PTPN5: variants seen among roughly 807,000 people sequenced by gnomAD.
PTPN5 encodes protein tyrosine phosphatase non-receptor type 5.
Under a neutral mutation model 73.9 loss-of-function variants are expected in PTPN5, and 29 were observed. The ratio of observed to expected loss-of-function variants is 0.39; its 90% confidence interval spans 0.29 to 0.54. The LOEUF (loss-of-function observed/expected upper bound fraction) is 0.54, where lower values mean the gene tolerates loss of function less well. PTPN5 is among the 20% of genes least tolerant of loss of function. The pLI is 0.65. For missense variants in PTPN5, 652 were observed against 751.4 expected (o/e 0.87, Z 1.55); for synonymous variants, 267 against 304.7 (o/e 0.88, Z 1.29).
chr11:18,761,765 A>G (rs192183440), intron 3 of PTPN5, among the ~76,000 whole-genome samples: 15 of 152,222 alleles, frequency 9.9e-5, no homozygotes, highest in Non-Finnish European at 1.6e-4. Flanking sequence ...AAAGACACCT[A>G]AGGAGGGAAT....
chr11:18,773,034 G>A (rs1321386328), intron 1 of PTPN5, among the ~76,000 whole-genome samples: 1 of 151,966 alleles, frequency 6.6e-6, no homozygotes, highest in Non-Finnish European at 1.5e-5. Flanking sequence ...CCAGGTAGAA[G>A]GAGGGCATGT....
intron 3 of PTPN5, among the ~76,000 whole-genome samples, chr11:18,757,167 T>C (rs1850194248): frequency 6.6e-6 from 1 of 152,178 alleles, no homozygotes. Context: ...TGAATAAGAC[T>C]TTATGGTTTA....
intron 1 of PTPN5, among the ~76,000 whole-genome samples, chr11:18,779,421 G>A (rs1346742522): frequency 1.3e-5 from 2 of 152,008 alleles, no homozygotes; most frequent in East Asian, 3.9e-4. Flanking sequence ...AGTCAAGGTT[G>A]AAAGGAGCCT....
intron 3 of PTPN5, among the ~76,000 whole-genome samples, chr11:18,746,195 A>ATAT (rs377606416): frequency 5.3e-5 from 6 of 114,024 alleles, no homozygotes; most frequent in Admixed American, 9.0e-5. Context: ...ATATATATAC[A>ATAT]TTTTTTTTTT....
chr11:18,761,186 C>T (rs1480950892), intron 3 of PTPN5, among the ~76,000 whole-genome samples: 3 of 152,228 alleles, frequency 2.0e-5, no homozygotes, highest in Non-Finnish European at 2.9e-5. Context: ...CACGAGTCTG[C>T]ATGATGATGC....
chr11:18,752,633 T>C (rs1040126499), intron 3 of PTPN5, among the ~76,000 whole-genome samples: 5 of 152,234 alleles, frequency 3.3e-5, no homozygotes, highest in African/African-American at 1.2e-4. Flanking sequence ...AATGGTTCTA[T>C]CTGAAATTGC....
intron 1 of PTPN5, among the ~76,000 whole-genome samples, chr11:18,777,134 C>T (rs550841046): frequency 6.6e-6 from 1 of 152,220 alleles, no homozygotes; most frequent in African/African-American, 2.4e-5. Flanking sequence ...GCACTCCAGC[C>T]TGGGCGACAG....
chr11:18,747,016 T>C (rs536383667), intron 3 of PTPN5, among the ~76,000 whole-genome samples: 2 of 152,288 alleles, frequency 1.3e-5, no homozygotes, highest in African/African-American at 4.8e-5. Flanking sequence ...TCCCTTCTTC[T>C]CCCTGGGTCT....
Position 18,742,393 on chromosome 11 carries a change from C to T in PTPN5, c.594G>A (p.Glu198=), listed in dbSNP as rs369120299. 7 of 1,614,070 alleles carry T rather than the reference C, an allele frequency of 4.3e-6. No individual in the cohort carries two copies. The African/African-American group carries it at 9.3e-5, about 22-fold the overall frequency. ...CCAGGAAGTCATCCTCGATCTTCTC[C>T]TCCATCCACTCTGAGTAGGTGAAGG... ...QPSFTYSEWM[E]EKIEDDFLDL... is the part of the protein sequence containing the mutation. Residue 198 remains glutamate, a synonymous_variant, in exon 7 of 15, where the codon GAG becomes GAA. Coordinates refer to ENST00000358540, the MANE Select transcript of PTPN5 (RefSeq NM_006906.2). The surrounding 1 kb of genome is among the most constrained non-coding windows in gnomAD (Gnocchi z 4.1).
intron 1 of PTPN5, among the ~76,000 whole-genome samples, chr11:18,781,520 A>G (rs912056882): frequency 1.3e-5 from 2 of 151,948 alleles, no homozygotes; most frequent in Non-Finnish European, 2.9e-5. Flanking sequence ...GGGTTTCACC[A>G]TATTGGCTAG....
chr11:18,791,989 C>G (rs531698532), upstream of PTPN5: 2 of 152,384 alleles, frequency 1.3e-5, no homozygotes, highest in East Asian at 3.9e-4. Flanking sequence ...TCAGGTGCCT[C>G]CCTCTCCCGA....
chr11:18,788,311 T>A (rs1851761063), intron 1 of PTPN5, among the ~76,000 whole-genome samples: 1 of 152,182 alleles, frequency 6.6e-6, no homozygotes, highest in African/African-American at 2.4e-5. Flanking sequence ...GTGAGTTTCA[T>A]CATGTTACGG....
intron 3 of PTPN5, among the ~76,000 whole-genome samples, chr11:18,753,771 A>C (rs1362085737): frequency 6.6e-6 from 1 of 152,186 alleles, no homozygotes; most frequent in African/African-American, 2.4e-5. Flanking sequence ...GACATCTGCA[A>C]GCCCATGGCT....
intron 9 of PTPN5, among the ~76,000 whole-genome samples, chr11:18,735,368 G>C (rs1849068146): frequency 6.6e-6 from 1 of 152,196 alleles, no homozygotes; most frequent in South Asian, 2.1e-4. Context: ...GCAGCAGAGA[G>C]GGGCAGGAAG....
At position 18,752,821 on chromosome 11, in the gene PTPN5, A is replaced by G. The variant is rs79981394; in HGVS notation, c.98-8622T>C. 8.3e-4 allele frequency among the ~76,000 whole-genome samples: 127 copies of G among 152,332 alleles called. No individual in the cohort carries two copies. The East Asian group carries it at 0.021, about 25-fold the overall frequency. On this transcript the variant is annotated intron_variant, in intron 3 of 14. Coordinates refer to ENST00000358540, the MANE Select transcript of PTPN5 (RefSeq NM_006906.2). Reference sequence around the variant, plus strand: ...AGAGGCCCTGCGGCAGGGAGGTACCAGAGGTCCCCAGTGCCTGAGACTTAA... The same window carrying G: ...AGAGGCCCTGCGGCAGGGAGGTACCGGAGGTCCCCAGTGCCTGAGACTTAA...
At chr11:18,746,163 AT>A (rs1237366768) in intron 3 of PTPN5, among the ~76,000 whole-genome samples, 50 of 25,936 alleles carry the variant, frequency 1.9e-3, no homozygotes, top group African/African-American at 0.011. Flanking sequence ...ATAAATATAA[AT>A]ATATATATAT....
chr11:18,768,821 A>G (rs1170323880), intron 2 of PTPN5, among the ~76,000 whole-genome samples: 2 of 152,120 alleles, frequency 1.3e-5, no homozygotes, highest in East Asian at 1.9e-4. Context: ...AAGAAAATAC[A>G]TGGCCCATTC....
chr11:18,778,516 G>A (rs886599242), intron 1 of PTPN5, among the ~76,000 whole-genome samples: 1 of 152,180 alleles, frequency 6.6e-6, no homozygotes, highest in African/African-American at 2.4e-5. Context: ...GGTGGGTCAC[G>A]GAGGCAGATC....
chr11:18,731,522 G>C (rs1564885192), intron 12 of PTPN5, among the ~76,000 whole-genome samples: 1 of 152,180 alleles, frequency 6.6e-6, no homozygotes, highest in Non-Finnish European at 1.5e-5. Flanking sequence ...GCATTGAGAA[G>C]GTGAGCAGCC....
Sources: gnomAD v4.1 joint callset for allele counts (sites outside exome capture counted in the v4.1 genomes callset) on GRCh38, gnomAD v4.1.1 for gene constraint, Gnocchi (gnomAD v3.1) non-coding constraint, MANE v1.5 for transcripts, NCBI Gene and HGNC (gene_info 2026-07-23, HGNC 2026-07-21) for gene names.